The following CADM2 variants were observed in gnomAD, a reference collection of about 807,000 sequenced individuals.
CADM2 encodes cell adhesion molecule 2.
CADM2 carries 12 observed loss-of-function variants against 49.8 expected under a neutral mutation model. The ratio of observed to expected loss-of-function variants is 0.24; its 90% CI spans 0.15 to 0.39. The LOEUF (loss-of-function observed/expected upper bound fraction) is 0.39, where lower values mean the gene tolerates loss of function less well. Ranked by LOEUF, CADM2 falls within the 10% of genes least tolerant of loss-of-function variation. The probability of loss-of-function intolerance (pLI) is 1.00; values close to 1 mark genes in which losing one functional copy is unlikely to be tolerated. For synonymous variants in CADM2, 214 were observed against 175.4 expected (o/e 1.22, Z -1.74); for missense variants, 378 against 492.3 (o/e 0.77, Z 2.20).
chr3:86,017,719 C>T (rs1013668292), intron 8 of CADM2, among the ~76,000 whole-genome samples: 2 of 149,184 alleles, frequency 1.3e-5, no homozygotes, highest in African/African-American at 2.5e-5. Context: ...CACCAGGAGA[C>T]CCTGTCTCCA....
At chr3:85,972,414 C>T (rs1367559981) in intron 8 of CADM2, among the ~76,000 whole-genome samples, 1 of 151,676 alleles carries the variant, frequency 6.6e-6, no homozygotes, top group Non-Finnish European at 1.5e-5. Flanking sequence ...ACTAATAACT[C>T]TTAGTGTTTA....
chr3:85,679,564 AT>A (rs2065981729), intron 1 of CADM2, among the ~76,000 whole-genome samples: 1 of 152,146 alleles, frequency 6.6e-6, no homozygotes, highest in African/African-American at 2.4e-5. Context: ...TGACTTGTGC[AT>A]TTTTCCTAAG....
chr3:85,980,899 A>G (rs183152181), intron 8 of CADM2, among the ~76,000 whole-genome samples: 1 of 151,698 alleles, frequency 6.6e-6, no homozygotes, highest in East Asian at 1.9e-4. Context: ...ATATTCAATT[A>G]TGCCTTCTTC....
intron 1 of CADM2, among the ~76,000 whole-genome samples, chr3:85,162,464 A>G (rs1237226327): frequency 6.6e-6 from 1 of 152,106 alleles, no homozygotes; most frequent in Non-Finnish European, 1.5e-5. Flanking sequence ...TCCCTGATTT[A>G]CCTTTTAATA....
chr3:85,224,198 G>A (rs1174184438), intron 1 of CADM2, among the ~76,000 whole-genome samples: 3 of 152,092 alleles, frequency 2.0e-5, no homozygotes, highest in Non-Finnish European at 4.4e-5. Context: ...CACAATGGTG[G>A]AACTAATTTA....
intron 1 of CADM2, among the ~76,000 whole-genome samples, chr3:85,702,478 A>G (rs2066811052): frequency 1.3e-5 from 2 of 152,050 alleles, no homozygotes; most frequent in African/African-American, 2.4e-5. Context: ...TTACCTTGCT[A>G]TTATTATCAA....
At chr3:85,870,839 A>G (rs2075900265) in intron 3 of CADM2, among the ~76,000 whole-genome samples, 1 of 152,136 alleles carries the variant, frequency 6.6e-6, no homozygotes, top group African/African-American at 2.4e-5. Context: ...GCTTTGCACA[A>G]TGATTGAACT....
chr3:85,942,089 A>T (rs895794098), intron 7 of CADM2, among the ~76,000 whole-genome samples: 5 of 152,096 alleles, frequency 3.3e-5, no homozygotes, highest in African/African-American at 1.2e-4. Flanking sequence ...AACAACAATG[A>T]TGATTGTATT....
intron 3 of CADM2, among the ~76,000 whole-genome samples, chr3:85,883,074 C>A (rs1713048089): frequency 6.6e-6 from 1 of 152,118 alleles, no homozygotes; most frequent in Non-Finnish European, 1.5e-5. Flanking sequence ...AAAGTTATTT[C>A]TGAAAACATT....
chr3:85,560,291 G>T (rs2062061695), intron 1 of CADM2, among the ~76,000 whole-genome samples: 1 of 152,178 alleles, frequency 6.6e-6, no homozygotes, highest in African/African-American at 2.4e-5. Context: ...GGTCACTGGT[G>T]CCACTGAACC....
intron 3 of CADM2, among the ~76,000 whole-genome samples, chr3:85,866,990 A>G (rs979521352): frequency 6.6e-6 from 1 of 152,158 alleles, no homozygotes; most frequent in South Asian, 2.1e-4. Flanking sequence ...AACAGCATGA[A>G]TTTCACAAAT....
intron 3 of CADM2, among the ~76,000 whole-genome samples, chr3:85,831,095 GT>G (rs1249113757): frequency 6.6e-6 from 1 of 151,728 alleles, no homozygotes; most frequent in Non-Finnish European, 1.5e-5. Flanking sequence ...GTGGTATTTG[GT>G]TTTCTGTTCC....
At chr3:85,167,686 C>A (rs918131829) in intron 1 of CADM2, among the ~76,000 whole-genome samples, 7 of 152,108 alleles carry the variant, frequency 4.6e-5, no homozygotes, top group African/African-American at 1.7e-4. Flanking sequence ...ACTTTTAATC[C>A]ATTTCCAAAT....
intron 1 of CADM2, among the ~76,000 whole-genome samples, chr3:85,712,245 G>C (rs1417290148): frequency 1.3e-5 from 2 of 152,040 alleles, no homozygotes; most frequent in African/African-American, 4.8e-5. Context: ...TCCTAAAATA[G>C]TTGTACTGTT....
At chr3:85,461,089 G>A (rs1271612902) in intron 1 of CADM2, among the ~76,000 whole-genome samples, 1 of 152,084 alleles carries the variant, frequency 6.6e-6, no homozygotes, top group Admixed American at 6.6e-5. Flanking sequence ...TCAGTGGAAG[G>A]TACAGAGATT....
intron 1 of CADM2, among the ~76,000 whole-genome samples, chr3:85,452,126 C>T (rs1451702783): frequency 6.6e-6 from 1 of 152,050 alleles, no homozygotes; most frequent in African/African-American, 2.4e-5. Flanking sequence ...ATCCAAACTG[C>T]TCCCACAGGT....
intron 1 of CADM2, among the ~76,000 whole-genome samples, chr3:85,101,337 G>A (rs188653895): frequency 9.2e-5 from 14 of 152,216 alleles, no homozygotes; most frequent in African/African-American, 3.4e-4. Context: ...GCCATGCATA[G>A]AATGTTATTC....
chr3:85,671,824 A>C (rs1224437852), intron 1 of CADM2, among the ~76,000 whole-genome samples: 1 of 152,194 alleles, frequency 6.6e-6, no homozygotes, highest in Non-Finnish European at 1.5e-5. Context: ...CTCATTCTGA[A>C]TTAGCATCAC....
intron 1 of CADM2, among the ~76,000 whole-genome samples, chr3:85,248,561 C>T (rs2042703161): frequency 6.6e-6 from 1 of 152,152 alleles, no homozygotes; most frequent in African/African-American, 2.4e-5. Flanking sequence ...CAGGCGTGAG[C>T]AAACACGCCC....
Sources: allele counts gnomAD v4.1 joint callset (sites outside exome capture counted in the v4.1 genomes callset), GRCh38; gene constraint gnomAD v4.1.1; transcripts MANE v1.5; gene names NCBI Gene and HGNC (gene_info 2026-07-23, HGNC 2026-07-21).